NCOA3: variants seen among roughly 807,000 people sequenced by gnomAD.
The protein encoded by NCOA3 is nuclear receptor coactivator 3, also known as CBP-interacting protein.
NCOA3 carries 51 observed loss-of-function variants against 158.8 expected under a neutral mutation model. The ratio of observed to expected loss-of-function variants is 0.32; its 90% CI spans 0.26 to 0.41. The LOEUF (loss-of-function observed/expected upper bound fraction) is 0.41, where lower values mean the gene tolerates loss of function less well. Among genes scored for constraint, NCOA3 ranks in the 10% least tolerant of loss-of-function variants. The pLI, the probability that NCOA3 is intolerant of heterozygous loss-of-function variation, is 1.00. For missense variants in NCOA3, 1,510 were observed against 1,746.6 expected, an observed-to-expected ratio of 0.86 and a Z score of 2.41; for synonymous variants, 537 against 592.4, an observed-to-expected ratio of 0.91 and a Z score of 1.36.
intron 2 of NCOA3, among the ~76,000 whole-genome samples, chr20:47,598,272 TG>T (rs1330405239): frequency 2.7e-5 from 4 of 147,082 alleles, no homozygotes; most frequent in Non-Finnish European, 4.5e-5. Context: ...AAAAAGAACC[TG>T]GCTTCTTTAC....
intron 1 of NCOA3, among the ~76,000 whole-genome samples, chr20:47,551,936 GT>G (rs1256904259): frequency 6.6e-6 from 1 of 152,124 alleles, no homozygotes; most frequent in South Asian, 2.1e-4. Context: ...TAATTTTACT[GT>G]TGTTTTTTGG....
intron 2 of NCOA3, among the ~76,000 whole-genome samples, chr20:47,603,789 C>T (rs894277398): frequency 3.3e-5 from 5 of 152,172 alleles, no homozygotes; most frequent in African/African-American, 1.2e-4. Context: ...CTTTCTCTGC[C>T]GTGCCATTCT....
intron 1 of NCOA3, among the ~76,000 whole-genome samples, chr20:47,568,316 G>A (rs1027143249): frequency 7.2e-5 from 11 of 151,870 alleles, no homozygotes; most frequent in Non-Finnish European, 4.4e-5. Flanking sequence ...TGTTATCTTT[G>A]GAATAGTTCA....
chr20:47,608,438 G>A lies in NCOA3; in HGVS notation c.-19-13791G>A, dbSNP rs574928083. On this transcript the variant is annotated intron_variant, in intron 2 of 22. Transcript: ENST00000371998. The stretch of plus-strand genomic sequence containing the variant: ...GAATTGCTTGAGCCTAGGAGTTGGA[G>A]ACCAGCCTGGGAAACATAGCAAGAC... 1.3e-4 allele frequency among the ~76,000 whole-genome samples: 20 copies of A among 152,036 alleles called. No individual in the cohort carries two copies. In the East Asian group the frequency reaches 3.7e-3, roughly 28 times the overall value.
chr20:47,590,683 T>G (rs746148334), intron 2 of NCOA3, among the ~76,000 whole-genome samples: 6 of 152,166 alleles, frequency 3.9e-5, no homozygotes, highest in Non-Finnish European at 7.3e-5. Flanking sequence ...GTGTGTCACA[T>G]GCCTGTGGTC....
At chr20:47,596,867 G>A (rs1394201907) in intron 2 of NCOA3, among the ~76,000 whole-genome samples, 1 of 152,172 alleles carries the variant, frequency 6.6e-6, no homozygotes, top group Non-Finnish European at 1.5e-5. Context: ...TGGGATTACA[G>A]GTGTGAGGCA....
chr20:47,526,542 T>C (rs75866713), intron 1 of NCOA3, among the ~76,000 whole-genome samples: 1 of 152,192 alleles, frequency 6.6e-6, no homozygotes, highest in Admixed American at 6.5e-5. Flanking sequence ...GCGGATCACT[T>C]GTGGTTAGGA....
intron 2 of NCOA3, among the ~76,000 whole-genome samples, chr20:47,590,382 A>G (rs1057505367): frequency 1.3e-5 from 2 of 152,168 alleles, no homozygotes; most frequent in African/African-American, 2.4e-5. Context: ...GTGCAGTGGT[A>G]TGATTGTGGC....
intron 1 of NCOA3, among the ~76,000 whole-genome samples, chr20:47,525,976 T>C (rs77595808): frequency 1.7e-4 from 23 of 133,720 alleles, no homozygotes; most frequent in South Asian, 2.5e-4. Context: ...AGGTGGCTGC[T>C]GGGCGGAGAC....
chr20:47,515,533 C>T (rs1362468959), intron 1 of NCOA3, among the ~76,000 whole-genome samples: 1 of 145,852 alleles, frequency 6.9e-6, no homozygotes, highest in Non-Finnish European at 1.5e-5. Context: ...GTTACCCAGG[C>T]TGGGGTACAG....
intron 1 of NCOA3, 96 bp downstream of exon 1, chr20:47,502,115 G>T (rs1569306630): frequency 5.0e-6 from 2 of 398,676 alleles, no homozygotes; most frequent in Non-Finnish European, 4.4e-6. Flanking sequence ...GAGAGCCAGC[G>T]GCTTCAGATC....
intron 1 of NCOA3, among the ~76,000 whole-genome samples, chr20:47,566,677 A>G (rs534794339): frequency 2.0e-5 from 3 of 152,098 alleles, no homozygotes; most frequent in African/African-American, 7.2e-5. Context: ...ATGCCCAGCT[A>G]ATTTTTGTAT....
chr20:47,593,211 GC>G (rs1298752742), intron 2 of NCOA3, among the ~76,000 whole-genome samples: 3 of 151,352 alleles, frequency 2.0e-5, no homozygotes, highest in Admixed American at 1.3e-4. Context: ...GGGACTACAG[GC>G]CTGAGCCACT....
chr20:47,539,221 CTTGATAAGCTACTTGATAAGGTGGT>C (rs997295550), intron 1 of NCOA3, among the ~76,000 whole-genome samples: 38 of 152,226 alleles, frequency 2.5e-4, no homozygotes, highest in African/African-American at 8.9e-4. Context: ...GATAAGGTGG[CTTGATAAGCTACTTGATAAGGTGGT>C]AGGAGGTAGC....
intron 1 of NCOA3, among the ~76,000 whole-genome samples, chr20:47,538,831 A>G (rs1433100695): frequency 6.6e-6 from 1 of 152,246 alleles, no homozygotes; most frequent in Non-Finnish European, 1.5e-5. Flanking sequence ...GGCGTAAGCC[A>G]CTGTGCCCAG....
chr20:47,552,967 T>C (rs2084946585), intron 1 of NCOA3, among the ~76,000 whole-genome samples: 1 of 151,530 alleles, frequency 6.6e-6, no homozygotes, highest in South Asian at 2.1e-4. Flanking sequence ...TTTTGCTCTG[T>C]CACCCAGGCT....
intron 1 of NCOA3, among the ~76,000 whole-genome samples, chr20:47,546,527 G>GT (rs35925841): frequency 0.085 from 10,259 of 120,234 alleles, 815 homozygotes; most frequent in East Asian, 0.33. Flanking sequence ...ACTTGCCTCT[G>GT]TTTTTTTTTT....
rs551055155 is a variant in NCOA3 at position 47,545,411 on chromosome 20, A to G, written c.-98-37772A>G. Among the ~76,000 whole-genome samples the G allele has an allele frequency of 2.0e-5, 3 of 152,188 alleles. No individual in the cohort carries two copies. The South Asian group carries it at 6.2e-4, about 32-fold the overall frequency. On this transcript the variant is annotated intron_variant, in intron 1 of 22. Coordinates refer to ENST00000371998, the MANE Select transcript of NCOA3 (RefSeq NM_181659.3). ...AGGCTGATCTCGAATTCCTGACCTCAGGTGATCCACCTGCTTTGGCCTCCC... is the reference window on the plus strand; with the variant it reads ...AGGCTGATCTCGAATTCCTGACCTCGGGTGATCCACCTGCTTTGGCCTCCC...
In NCOA3 at chr20:47,627,560, G is replaced by A. The variant is rs1568736832; in HGVS notation, c.533-1G>A. ...ATGTCATTTCAATTTGTTTTCCAAA[G>A]TTAATGGAGTTTCCTGGACAAATGA... On this transcript the variant is annotated splice_acceptor_variant, in intron 6 of 22. Coordinates refer to ENST00000371998, the MANE Select transcript of NCOA3 (RefSeq NM_181659.3). LOFTEE classifies it high-confidence loss of function. 1.3e-6 allele frequency: 2 copies of A among 1,597,694 alleles called. No individual in the cohort carries two copies. The highest frequency in any genetic ancestry group is 1.4e-5 in the African/African-American group (1 of 74,038).
Sources: gnomAD v4.1 joint callset for allele counts (sites outside exome capture counted in the v4.1 genomes callset) on GRCh38, gnomAD v4.1.1 for gene constraint, MANE v1.5 for transcripts, NCBI Gene and HGNC (gene_info 2026-07-23, HGNC 2026-07-21) for gene names.